Variants in OBI1 observed in about 807,000 individuals in gnomAD.
The protein encoded by OBI1 is ORC ubiquitin ligase 1, also known as ring finger protein 219.
In OBI1, 59 loss-of-function variants were observed where a neutral mutation model predicts 62.4. The observed-to-expected ratio is 0.95, with a 90% confidence interval of 0.77 to 1.17. The LOEUF is 1.17. Ranked by LOEUF, OBI1 falls within the 50% of genes most tolerant of loss-of-function variation. The probability of loss-of-function intolerance (pLI) is 0.00; values close to 1 mark genes in which losing one functional copy is unlikely to be tolerated. For missense variants in OBI1, 875 were observed against 830.9 expected, an observed-to-expected ratio of 1.05 and a Z score of -0.65; for synonymous variants, 302 against 292.8, an observed-to-expected ratio of 1.03 and a Z score of -0.32.
chr13:78,658,709 G>T (rs1404521252), intron 1 of OBI1, among the ~76,000 whole-genome samples: 3 of 152,288 alleles, frequency 2.0e-5, no homozygotes, highest in African/African-American at 2.4e-5. Flanking sequence ...GCTGCAGAGG[G>T]AAGTTAAATA....
chr13:78,629,755 G>A (rs1355512290), intron 5 of OBI1, among the ~76,000 whole-genome samples: 1 of 152,074 alleles, frequency 6.6e-6, no homozygotes, highest in Non-Finnish European at 1.5e-5. Flanking sequence ...GATGTGACAC[G>A]CTTCACATTC....
intron 5 of OBI1, among the ~76,000 whole-genome samples, chr13:78,630,265 G>C (rs893874188): frequency 6.6e-6 from 1 of 151,956 alleles, no homozygotes. Context: ...TTTTGCTGGG[G>C]TTTTTTTCCT....
At chr13:78,658,778 G>A (rs1208837639) in intron 1 of OBI1, among the ~76,000 whole-genome samples, 1 of 152,180 alleles carries the variant, frequency 6.6e-6, no homozygotes, top group African/African-American at 2.4e-5. Context: ...CCAGTGTGAG[G>A]CCGCGGGCGG....
chr13:78,627,220 C>T (rs147785543), intron 5 of OBI1, among the ~76,000 whole-genome samples: 5 of 150,036 alleles, frequency 3.3e-5, no homozygotes, highest in East Asian at 3.9e-4. Context: ...AGGAACAAAG[C>T]GGATCTTTTG....
intron 5 of OBI1, among the ~76,000 whole-genome samples, chr13:78,632,826 A>G (rs1875894429): frequency 6.6e-6 from 1 of 152,182 alleles, no homozygotes; most frequent in South Asian, 2.1e-4. Context: ...GATCTGGAAT[A>G]CGGTTTTCAG....
rs114518298 is a variant in OBI1 at position 78,620,297 on chromosome 13, T to C, written c.639-3175A>G. Among the ~76,000 whole-genome samples the C allele has an allele frequency of 1.7e-3, 253 of 152,336 alleles. 2 individuals carry two copies. Among genetic ancestry groups the C allele is most frequent in the African/African-American group, 5.9e-3 (246 of 41,582 alleles). ...TTTAATACTTTTGTATTCACACTAA[T>C]TCTAGATATTTGGAGTATACAACAC... On this transcript the variant is annotated intron_variant, in intron 5 of 5. Transcript: ENST00000282003.
chr13:78,634,230 CTTTT>C (rs1174221057), intron 5 of OBI1, among the ~76,000 whole-genome samples: 1 of 151,504 alleles, frequency 6.6e-6, no homozygotes, highest in Non-Finnish European at 1.5e-5. Context: ...TTCAGATAGG[CTTTT>C]TTTTAGTGTA....
At position 78,616,814 on chromosome 13, in the gene OBI1, G is replaced by C. The variant is rs752184420; in HGVS notation, c.947C>G (p.Ser316Cys). The change falls in exon 6 of 6, where the codon TCC becomes TGC. Residue 316 changes from serine (S) to cysteine (C), a missense_variant. Physicochemically the swap from Ser to Cys is moderately radical, Grantham distance 112. Coordinates refer to ENST00000282003, the MANE Select transcript of OBI1 (RefSeq NM_024546.4). Reference protein sequence around the residue: ...TSSSSHLAKPSSSRLCDTSSA... With the variant: ...TSSSSHLAKPCSSRLCDTSSA... ...ACTGGTGTCACACAGTCTGCTGCTGGAAGGCTTCGCTAGGTGAGAAGAACT... is the reference window on the plus strand; with the variant it reads ...ACTGGTGTCACACAGTCTGCTGCTGCAAGGCTTCGCTAGGTGAGAAGAACT... 1 of 1,614,076 alleles carries C rather than the reference G, an allele frequency of 6.2e-7. No individual in the cohort carries two copies. The highest frequency in any genetic ancestry group is 8.5e-7 in the Non-Finnish European group (1 of 1,180,034).
At chr13:78,658,164 G>A (rs7319450) in intron 1 of OBI1, among the ~76,000 whole-genome samples, 27,108 of 152,082 alleles carry the variant, frequency 0.18, 3,253 homozygotes, top group Non-Finnish European at 0.23. Flanking sequence ...AGTCTGCGCT[G>A]GGGGGTAAAC....
At chr13:78,647,468 C>T (rs1016601384) in intron 1 of OBI1, among the ~76,000 whole-genome samples, 1 of 152,238 alleles carries the variant, frequency 6.6e-6, no homozygotes, top group Non-Finnish European at 1.5e-5. Flanking sequence ...ATCTGGCCTA[C>T]GTGCACATCC....
intron 1 of OBI1, among the ~76,000 whole-genome samples, chr13:78,647,271 A>G (rs1478192259): frequency 6.6e-6 from 1 of 152,214 alleles, no homozygotes; most frequent in Admixed American, 6.5e-5. Flanking sequence ...TGCAGTTGAG[A>G]TAAGAGGAAG....
intron 4 of OBI1, among the ~76,000 whole-genome samples, chr13:78,635,600 A>G (rs1171000811): frequency 6.6e-6 from 1 of 152,154 alleles, no homozygotes; most frequent in Admixed American, 6.5e-5. Context: ...TTGAGCTTTG[A>G]AATTGATTTC....
intron 5 of OBI1, among the ~76,000 whole-genome samples, chr13:78,625,168 AATT>A (rs879468544): frequency 1.2e-4 from 18 of 152,212 alleles, no homozygotes; most frequent in Non-Finnish European, 2.1e-4. Flanking sequence ...AAGGAGAGAA[AATT>A]AAGACATGCT....
chr13:78,618,882 G>C (rs554033182), intron 5 of OBI1, among the ~76,000 whole-genome samples: 1 of 152,276 alleles, frequency 6.6e-6, no homozygotes, highest in South Asian at 2.1e-4. Flanking sequence ...AGTTCTGCAA[G>C]AGAACTTTTA....
Position 78,659,085 on chromosome 13 carries a change from G to C in OBI1, c.36C>G (p.Leu12=). 6.2e-7 allele frequency: 1 copy of C among 1,612,816 alleles called. No homozygotes were observed. Among genetic ancestry groups the C allele is most frequent in the South Asian group, 1.1e-5 (1 of 90,962 alleles). ...AAATGTGGCACGTGATGGGCAGAGT[G>C]AGCGACAATGTAACATTCTGCACGG... The part of the protein sequence containing the change: ...AQTVQNVTLS[L]TLPITCHICL... Residue 12 remains leucine (L), a synonymous_variant, in exon 1 of 6, where the codon CTC becomes CTG. Coordinates refer to ENST00000282003, the MANE Select transcript of OBI1 (RefSeq NM_024546.4).
intron 5 of OBI1, among the ~76,000 whole-genome samples, chr13:78,634,091 A>G (rs534947491): frequency 8.0e-6 from 1 of 124,568 alleles, no homozygotes; most frequent in African/African-American, 2.9e-5. Context: ...AAAAAACAAA[A>G]AACAAAAAAA....
At chr13:78,648,250 C>T (rs1876443126) in intron 1 of OBI1, among the ~76,000 whole-genome samples, 1 of 150,490 alleles carries the variant, frequency 6.6e-6, no homozygotes, top group African/African-American at 2.5e-5. Context: ...CAAGAAGATA[C>T]TGCCTTATCT....
chr13:78,631,798 C>T (rs768277817), intron 5 of OBI1, among the ~76,000 whole-genome samples: 1 of 152,048 alleles, frequency 6.6e-6, no homozygotes, highest in Non-Finnish European at 1.5e-5. Context: ...CTCAAGAGGG[C>T]TTTTAAGTTA....
chr13:78,652,221 T>C (rs1253404842), intron 1 of OBI1, among the ~76,000 whole-genome samples: 2 of 152,208 alleles, frequency 1.3e-5, no homozygotes, highest in Non-Finnish European at 2.9e-5. Context: ...TCAATGAATT[T>C]ATCTTACGAG....
Sources: allele counts gnomAD v4.1 joint callset (sites outside exome capture counted in the v4.1 genomes callset), GRCh38; gene constraint gnomAD v4.1.1; transcripts MANE v1.5; gene names NCBI Gene and HGNC (gene_info 2026-07-23, HGNC 2026-07-21).